The following SLC19A1 variants were observed in gnomAD, a reference collection of about 807,000 sequenced individuals.
The protein encoded by SLC19A1 is reduced folate transporter.
Under a neutral mutation model 35.3 loss-of-function variants are expected in SLC19A1, and 37 were observed. That is an observed-to-expected ratio of 1.05 (90% confidence interval 0.81 to 1.38). SLC19A1 has a LOEUF of 1.38. SLC19A1 is among the 40% of genes most tolerant of loss of function. The pLI, the probability that SLC19A1 is intolerant of heterozygous loss-of-function variation, is 0.00. For missense variants in SLC19A1, 831 were observed against 826.9 expected, an observed-to-expected ratio of 1.00 and a Z score of -0.06; for synonymous variants, 460 against 398.5, an observed-to-expected ratio of 1.15 and a Z score of -1.84.
chr21:45,525,939 G>C lies in SLC19A1; in HGVS notation c.1171C>G (p.Leu391Val). The change falls in exon 5 of 6, where the codon CTG becomes GTG. Residue 391 changes from leucine to valine, a missense_variant. Leu to Val is a conservative substitution (Grantham distance 32). Transcript: ENST00000311124. ...ACCAGGGCACAGAGCTCTTTAGACA[G>C]AGAAGATGCAATCTGAAAGCTGAAC... ...PIATFQIASS[L>V]SKELCALVFG... 6.2e-7 allele frequency: 1 copy of C among 1,613,464 alleles called. No individual in the cohort carries two copies.
In SLC19A1 at chr21:45,503,961, G is replaced by T. The variant is rs576905197; in HGVS notation, c.498-5349C>A. On this transcript the variant is annotated intron_variant, in intron 3 of 4. Coordinates refer to the SLC19A1 transcript ENST00000417954. ...TGCTGGGGGCTGCAGAGGGAACCCGGCGCTGTCAGACACCACCTCAGCGAG... is the reference window on the plus strand; with the variant it reads ...TGCTGGGGGCTGCAGAGGGAACCCGTCGCTGTCAGACACCACCTCAGCGAG... 7.1e-5 allele frequency: 115 copies of T among 1,610,276 alleles called. 2 individuals are homozygous for T. In the East Asian group the frequency reaches 1.2e-3, roughly 16 times the overall value.
Position 45,534,567 on chromosome 21 carries a change from C to T in SLC19A1, c.190-2419G>A, listed in dbSNP as rs1356121851. The T allele has an allele frequency of 6.5e-7, 1 of 1,535,754 alleles. No homozygotes were observed. Among genetic ancestry groups the T allele is most frequent in the Admixed American group, 2.0e-5 (1 of 51,008 alleles). On this transcript the variant is annotated intron_variant, in intron 2 of 5. Transcript: ENST00000311124. The surrounding 1 kb of genome is among the most constrained non-coding windows in gnomAD (Gnocchi z 4.2). ...GAATGAATGGAGCATGCCTCATTTC[C>T]TCTTCCACCAGGAGCTGGCTCTGCA...
At chr21:45,529,219 T>G (rs190940952) in intron 4 of SLC19A1, among the ~76,000 whole-genome samples, 246 of 152,280 alleles carry the variant, frequency 1.6e-3, no homozygotes, top group African/African-American at 5.8e-3. Context: ...GCCGGGAGAC[T>G]GCTGCCTGCA....
chr21:45,505,296 G>A, intron 3 of SLC19A1: 1 of 1,606,282 alleles, frequency 6.2e-7, no homozygotes, highest in South Asian at 1.1e-5. Flanking sequence ...AGTGGGGAGT[G>A]GGCCCCGGGC....
downstream of SLC19A1, among the ~76,000 whole-genome samples, chr21:45,508,080 ACAGGTGGGTGAGTGGATGGATGGTGGT>A (rs532349071): frequency 0.017 from 2,551 of 146,376 alleles, 41 homozygotes; most frequent in South Asian, 0.036. Flanking sequence ...TAGATGGTGG[ACAGGTGGGTGAGTGGATGGATGGTGGT>A]CAGGCGGGTG....
At chr21:45,502,989 G>GT (rs1471071049) in intron 3 of SLC19A1, 1 of 152,126 alleles carries the variant, frequency 6.6e-6, no homozygotes, top group Non-Finnish European at 1.5e-5. Context: ...TAAAAATGAA[G>GT]TTTTAAAAAG....
chr21:45,505,196 C>T lies in SLC19A1; in HGVS notation c.498-6584G>A, dbSNP rs1399633337. 3.1e-6 allele frequency: 5 copies of T among 1,603,870 alleles called. No homozygotes were observed. The Admixed American group carries it at 5.1e-5, about 16-fold the overall frequency. On this transcript the variant is annotated intron_variant, in intron 3 of 4. Transcript: ENST00000417954. ...CACCTGGACCTCAGGGACCCCCCGG[C>T]ATCGGCTACGAGGGGCGCCAGGGCC...
intron 1 of SLC19A1, among the ~76,000 whole-genome samples, chr21:45,538,538 G>A (rs989896752): frequency 6.6e-5 from 10 of 152,202 alleles, no homozygotes; most frequent in African/African-American, 9.7e-5. Flanking sequence ...GGCCAGCGGC[G>A]GGTGGCTGCA....
rs375363766 is a variant in SLC19A1 at position 45,514,796 on chromosome 21, C to T, written c.*862G>A. The T allele has an allele frequency of 1.3e-5, 7 of 534,236 alleles. No homozygotes were observed. The highest frequency in any genetic ancestry group is 3.3e-5 in the East Asian group (1 of 29,870). The allele number at this position is 534,236 out of a possible 1,614,324, so 33.1% of individuals were successfully genotyped here. ...CCCGCACCTGTGGGCAAGGCACTAGCGCTCCTTAGACCCTGAGGCCGCTGG... is the reference window on the plus strand; with the variant it reads ...CCCGCACCTGTGGGCAAGGCACTAGTGCTCCTTAGACCCTGAGGCCGCTGG... On this transcript the variant is annotated 3_prime_UTR_variant, in exon 6 of 6. Transcript: ENST00000311124.
intron 1 of SLC19A1, among the ~76,000 whole-genome samples, chr21:45,552,787 C>A (rs2078479699): frequency 1.3e-5 from 2 of 152,222 alleles, no homozygotes; most frequent in South Asian, 4.1e-4. Flanking sequence ...TCTGACCTGA[C>A]ACGGGAGTCT....
chr21:45,535,434 C>G (rs898721963), intron 2 of SLC19A1, among the ~76,000 whole-genome samples: 1 of 152,208 alleles, frequency 6.6e-6, no homozygotes, highest in Admixed American at 6.5e-5. Context: ...GAACCAGGTC[C>G]GAGGAGGACA....
intron 1 of SLC19A1, among the ~76,000 whole-genome samples, chr21:45,550,442 G>GT (rs1298351489): frequency 6.6e-6 from 1 of 152,200 alleles, no homozygotes; most frequent in Non-Finnish European, 1.5e-5. Flanking sequence ...ACAAGTGAAC[G>GT]TTTCCACGTG....
At chr21:45,509,421 G>T, downstream of SLC19A1, 1 of 1,538,716 alleles carries the variant, frequency 6.5e-7, no homozygotes, top group Non-Finnish European at 8.7e-7. Context: ...CCTACCCGCG[G>T]CGGGAGCACC....
chr21:45,550,274 G>A (rs955117127), intron 1 of SLC19A1, among the ~76,000 whole-genome samples: 1 of 152,122 alleles, frequency 6.6e-6, no homozygotes, highest in South Asian at 2.1e-4. Flanking sequence ...AGACCTCTGA[G>A]CCCCAAAGGG....
At chr21:45,504,617 G>T in intron 3 of SLC19A1, 1 of 1,474,062 alleles carries the variant, frequency 6.8e-7, no homozygotes, top group South Asian at 1.2e-5. Context: ...AGGAGCCGAG[G>T]GCAGGTCCAG....
At chr21:45,512,252 G>A, downstream of SLC19A1, 2 of 1,612,512 alleles carry the variant, frequency 1.2e-6, no homozygotes, top group South Asian at 1.1e-5. Context: ...GAGCTACTGT[G>A]AGACGTGGCG....
intron 1 of SLC19A1, among the ~76,000 whole-genome samples, chr21:45,561,558 C>T (rs993965950): frequency 6.6e-6 from 1 of 151,858 alleles, no homozygotes; most frequent in African/African-American, 2.4e-5. Flanking sequence ...GTTAGGAGTT[C>T]GAGACCAGCC....
intron 4 of SLC19A1, among the ~76,000 whole-genome samples, chr21:45,528,459 C>G (rs1386061081): frequency 1.3e-5 from 2 of 152,116 alleles, no homozygotes; most frequent in East Asian, 3.9e-4. Flanking sequence ...GCCGGCCTCA[C>G]TCTGGTTAAG....
At position 45,540,179 on chromosome 21, in the gene SLC19A1, C is replaced by T. The variant is rs892346959; in HGVS notation, c.-49-2171G>A. Reference sequence around the variant, plus strand: ...GGGTAGAGCTGGACATACCTCAGACCGCACCCACTCCTCCCCACTGGGAGA... The same window carrying T: ...GGGTAGAGCTGGACATACCTCAGACTGCACCCACTCCTCCCCACTGGGAGA... On this transcript the variant is annotated intron_variant, in intron 1 of 5. Coordinates refer to ENST00000311124, the MANE Select transcript of SLC19A1 (RefSeq NM_194255.4). This position sits in a 1 kb window ranked among gnomAD's most constrained non-coding sequence, Gnocchi z 5.5. Among the ~76,000 whole-genome samples, 4 of 152,152 alleles carry T rather than the reference C, an allele frequency of 2.6e-5. No individual in the cohort carries two copies. Among genetic ancestry groups the T allele is most frequent in the South Asian group, 2.1e-4 (1 of 4,828 alleles).
Sources: gnomAD v4.1 joint callset for allele counts (sites outside exome capture counted in the v4.1 genomes callset) on GRCh38, gnomAD v4.1.1 for gene constraint, Gnocchi (gnomAD v3.1) non-coding constraint, MANE v1.5 for transcripts, NCBI Gene and HGNC (gene_info 2026-07-23, HGNC 2026-07-21) for gene names.